Variants in KIF9 observed in about 807,000 individuals in gnomAD.
KIF9 encodes kinesin-like protein KIF9.
Under a neutral mutation model 94.8 loss-of-function variants are expected in KIF9, and 68 were observed. The ratio of observed to expected loss-of-function variants is 0.72; its 90% CI spans 0.59 to 0.88. KIF9 has a LOEUF of 0.88. KIF9 is among the 40% of genes least tolerant of loss of function. The pLI, the probability that KIF9 is intolerant of heterozygous loss-of-function variation, is 0.00. For synonymous variants in KIF9, 343 were observed against 362.1 expected (o/e 0.95, Z 0.60); for missense variants, 882 against 982.5 (o/e 0.90, Z 1.37).
intron 16 of KIF9, 96 bp from the exon 17 acceptor site, chr3:47,241,111 A>C (rs1699446771): frequency 1.9e-6 from 2 of 1,060,106 alleles, no homozygotes; most frequent in South Asian, 2.8e-5. Flanking sequence ...TTCTGTGGCC[A>C]GGAGGCAGAA....
intron 17 of KIF9, chr3:47,239,650 C>T: frequency 9.3e-7 from 1 of 1,072,836 alleles, no homozygotes. Flanking sequence ...TGCAGTGGCG[C>T]AATCTTGCCT....
At chr3:47,244,718 A>C in intron 15 of KIF9, 73 bp downstream of exon 15, 1 of 1,541,832 alleles carries the variant, frequency 6.5e-7, no homozygotes, top group Non-Finnish European at 8.9e-7. Flanking sequence ...GAAAGTGGGA[A>C]CAGTGCACAT....
At chr3:47,279,451 T>C (rs1702182772) in intron 1 of KIF9, among the ~76,000 whole-genome samples, 1 of 149,642 alleles carries the variant, frequency 6.7e-6, no homozygotes, top group Admixed American at 6.7e-5. Flanking sequence ...CACTCCAGCC[T>C]GGGTGACAGA....
intron 10 of KIF9, among the ~76,000 whole-genome samples, chr3:47,253,153 G>T (rs1305203252): frequency 6.6e-6 from 1 of 152,058 alleles, no homozygotes; most frequent in East Asian, 1.9e-4. Context: ...TTCAGGGGTG[G>T]TTTTTTTGTT....
chr3:47,238,616 G>T (rs1699222914), intron 17 of KIF9: 2 of 151,702 alleles, frequency 1.3e-5, no homozygotes, highest in Non-Finnish European at 2.9e-5. Flanking sequence ...AACTACTTTG[G>T]GGGGACAGCA....
intron 1 of KIF9, 63 bp downstream of exon 1, chr3:47,282,432 G>C: frequency 1.0e-6 from 1 of 985,916 alleles, no homozygotes; most frequent in Non-Finnish European, 1.2e-6. Flanking sequence ...GCCACTTTCA[G>C]CAGTCCGGGC....
intron 10 of KIF9, among the ~76,000 whole-genome samples, chr3:47,252,948 G>A (rs1478862721): frequency 6.6e-6 from 1 of 151,966 alleles, no homozygotes; most frequent in Non-Finnish European, 1.5e-5. Flanking sequence ...GGGAGGTGGA[G>A]GTTGCAGTGA....
At chr3:47,275,622 G>C (rs140207453) in intron 2 of KIF9, 132 bp from the exon 3 acceptor site, 1 of 659,246 alleles carries the variant, frequency 1.5e-6, no homozygotes, top group Non-Finnish European at 2.6e-6. Flanking sequence ...GGACTCCCAC[G>C]TAGGGGCTGA....
At chr3:47,280,569 T>C (rs1366531691) in intron 1 of KIF9, among the ~76,000 whole-genome samples, 1 of 152,140 alleles carries the variant, frequency 6.6e-6, no homozygotes, top group Non-Finnish European at 1.5e-5. Flanking sequence ...TTGCCAAGTG[T>C]GGTGGTGCAC....
intron 1 of KIF9, chr3:47,281,289 A>C: frequency 2.2e-6 from 1 of 453,586 alleles, no homozygotes; most frequent in Non-Finnish European, 3.9e-6. Context: ...CTTGGTTTCC[A>C]GGTGCAAAAA....
chr3:47,280,980 T>C (rs776444703), intron 1 of KIF9: 38 of 702,938 alleles, frequency 5.4e-5, no homozygotes, highest in Middle Eastern at 4.6e-4. Context: ...CATTCTTACG[T>C]CGCTTCATTT....
At chr3:47,256,743 C>T (rs191495664) in intron 10 of KIF9, among the ~76,000 whole-genome samples, 2,518 of 152,254 alleles carry the variant, frequency 0.017, 71 homozygotes, top group African/African-American at 0.054. Flanking sequence ...GGATGGTTGC[C>T]ATGTCTGTGT....
chr3:47,259,019 T>G (rs1351645093), intron 9 of KIF9, among the ~76,000 whole-genome samples: 1 of 152,092 alleles, frequency 6.6e-6, no homozygotes, highest in Non-Finnish European at 1.5e-5. Context: ...TGCTCAAACT[T>G]TACCCTGTGA....
At chr3:47,263,745 G>T (rs750709659) in intron 9 of KIF9, 3 of 425,614 alleles carry the variant, frequency 7.0e-6, no homozygotes, top group South Asian at 5.1e-5. Context: ...ACGTTACTTA[G>T]GACCATGGCT....
intron 17 of KIF9, 21 bp downstream of exon 17, chr3:47,240,780 C>A: frequency 6.2e-7 from 1 of 1,601,350 alleles, no homozygotes; most frequent in African/African-American, 1.3e-5. Flanking sequence ...AGCTCCCTAG[C>A]CCTCTTTCCA....
At chr3:47,277,465 A>G in intron 1 of KIF9, 86 bp from the exon 2 acceptor site, 1 of 912,010 alleles carries the variant, frequency 1.1e-6, no homozygotes, top group East Asian at 2.6e-5. Context: ...GAAGATCAGA[A>G]AAGAGTGACG....
chr3:47,281,278 A>G, intron 1 of KIF9: 1 of 455,954 alleles, frequency 2.2e-6, no homozygotes, highest in South Asian at 3.5e-5. Context: ...CCAGGAGGAC[A>G]CTTGGTTTCC....
intron 10 of KIF9, 52 bp from the exon 11 acceptor site, chr3:47,248,138 G>T (rs1700046679): frequency 7.4e-7 from 1 of 1,344,152 alleles, no homozygotes; most frequent in Non-Finnish European, 1.1e-6. Context: ...CATCAGAGAA[G>T]CTACCCTGTC....
At chr3:47,244,696 A>G (rs1699807998) in intron 15 of KIF9, 95 bp downstream of exon 15, 1 of 1,469,350 alleles carries the variant, frequency 6.8e-7, no homozygotes, top group Admixed American at 1.8e-5. Context: ...CCAGTAGCTG[A>G]GACACCAGGG....
Sources: allele counts gnomAD v4.1 joint callset (sites outside exome capture counted in the v4.1 genomes callset), GRCh38; gene constraint gnomAD v4.1.1; transcripts MANE v1.5; gene names NCBI Gene and HGNC (gene_info 2026-07-23, HGNC 2026-07-21).